SDK2: variants seen among roughly 807,000 people sequenced by gnomAD.
SDK2 encodes sidekick cell adhesion molecule 2, also known as protein sidekick-2.
In SDK2, 105 loss-of-function variants were observed where a neutral mutation model predicts 253.9. The ratio of observed to expected loss-of-function variants is 0.41; its 90% CI spans 0.35 to 0.49. The LOEUF is 0.49. Among genes scored for constraint, SDK2 ranks in the 20% least tolerant of loss-of-function variants. SDK2 has a pLI of 0.06. For missense variants in SDK2, 2,608 were observed against 3,003.0 expected (o/e 0.87, Z 3.07); for synonymous variants, 1,249 against 1,234.9 (o/e 1.01, Z -0.24).
chr17:73,478,044 C>T (rs73349725), intron 2 of SDK2, among the ~76,000 whole-genome samples: 10,958 of 152,232 alleles, frequency 0.072, 461 homozygotes, highest in African/African-American at 0.098. Context: ...CACAGCAAAA[C>T]GTCTCTCCCA....
At chr17:73,588,285 G>C (rs565193704) in intron 1 of SDK2, among the ~76,000 whole-genome samples, 13 of 151,396 alleles carry the variant, frequency 8.6e-5, no homozygotes, top group South Asian at 4.2e-4. Context: ...TACTCGGGAG[G>C]GGGAGGCAGA....
chr17:73,563,935 A>AT lies in SDK2; in HGVS notation c.65-56339dup, dbSNP rs58724334. 7.1e-3 allele frequency among the ~76,000 whole-genome samples: 1,084 copies of AT among 151,932 alleles called. 19 individuals are homozygous for AT. Among genetic ancestry groups the AT allele is most frequent in the African/African-American group, 0.025 (1,029 of 41,432 alleles). The stretch of plus-strand genomic sequence containing the variant: ...CCACCACGCTCAGCTAATTTTTTAT[A>AT]TTTTTTGTAGAGACACGGCTTTGCC... On this transcript the variant is annotated intron_variant, in intron 1 of 44. Coordinates refer to ENST00000392650, the MANE Select transcript of SDK2 (RefSeq NM_001144952.2).
At chr17:73,510,394 G>A (rs930284297) in intron 1 of SDK2, among the ~76,000 whole-genome samples, 5 of 152,148 alleles carry the variant, frequency 3.3e-5, no homozygotes, top group Non-Finnish European at 5.9e-5. Flanking sequence ...CTCACTGTGG[G>A]GACCACCAGA....
intron 3 of SDK2, among the ~76,000 whole-genome samples, chr17:73,460,750 A>G (rs761025003): frequency 1.6e-4 from 25 of 152,192 alleles, no homozygotes; most frequent in South Asian, 4.1e-4. Flanking sequence ...AAATAAATAT[A>G]TGTTTTTAGT....
chr17:73,595,033 C>T (rs1464857487), intron 1 of SDK2, among the ~76,000 whole-genome samples: 5 of 152,328 alleles, frequency 3.3e-5, no homozygotes, highest in Admixed American at 2.6e-4. Flanking sequence ...AATCAGAACG[C>T]CATCACCACG....
intron 1 of SDK2, among the ~76,000 whole-genome samples, chr17:73,547,559 C>A (rs1256516750): frequency 2.0e-5 from 3 of 152,172 alleles, no homozygotes; most frequent in Non-Finnish European, 4.4e-5. Flanking sequence ...TCAGCAAGTC[C>A]TGTGTCCCAT....
intron 1 of SDK2, among the ~76,000 whole-genome samples, chr17:73,538,091 G>A (rs911770344): frequency 6.6e-5 from 10 of 152,126 alleles, no homozygotes; most frequent in Non-Finnish European, 1.3e-4. Context: ...TCTGACTCCC[G>A]GGAACGGCGG....
At chr17:73,418,838 T>A (rs2063204164) in intron 16 of SDK2, among the ~76,000 whole-genome samples, 1 of 152,156 alleles carries the variant, frequency 6.6e-6, no homozygotes, top group Admixed American at 6.5e-5. Flanking sequence ...TGGCCTGTGA[T>A]GGAATATTCG....
At chr17:73,504,689 A>T (rs2063921249) in intron 2 of SDK2, among the ~76,000 whole-genome samples, 1 of 146,114 alleles carries the variant, frequency 6.8e-6, no homozygotes, top group Non-Finnish European at 1.5e-5. Context: ...GTTTTCTAAA[A>T]GAGAAGGAAT....
intron 1 of SDK2, among the ~76,000 whole-genome samples, chr17:73,508,334 G>A (rs563864598): frequency 2.0e-4 from 30 of 152,340 alleles, no homozygotes; most frequent in African/African-American, 7.0e-4. Flanking sequence ...CGTGAATTTC[G>A]CCCCAGACTT....
chr17:73,632,418 T>C (rs895003924), intron 1 of SDK2, among the ~76,000 whole-genome samples: 2 of 152,194 alleles, frequency 1.3e-5, no homozygotes, highest in Admixed American at 6.5e-5. Context: ...CCCTTGAACA[T>C]CGGACTCCAA....
intron 36 of SDK2, among the ~76,000 whole-genome samples, chr17:73,378,424 A>AT (rs112567635): frequency 1.0e-3 from 150 of 145,482 alleles, no homozygotes; most frequent in Middle Eastern, 3.6e-3. Flanking sequence ...TTTAATTTTA[A>AT]TTTTTTTTTT....
At chr17:73,391,294 G>A in intron 28 of SDK2, 146 bp downstream of exon 28, 1 of 416,942 alleles carries the variant, frequency 2.4e-6, no homozygotes, top group Non-Finnish European at 4.3e-6. Context: ...TCTAGCAGGA[G>A]GACTAACACC....
In SDK2 at chr17:73,562,848, C is replaced by T. The variant is rs530441522; in HGVS notation, c.65-55251G>A. Among the ~76,000 whole-genome samples the T allele has an allele frequency of 3.9e-5, 6 of 152,372 alleles. No homozygotes were observed. In the East Asian group the frequency reaches 1.2e-3, roughly 29 times the overall value. On this transcript the variant is annotated intron_variant, in intron 1 of 44. Transcript: ENST00000392650. ...GACGTGCTAACTCATTTCATCCTGG[C>T]AGCAGCCGCACGAGGCAGGTTATAC... is the stretch of plus-strand genomic sequence containing the variant.
intron 24 of SDK2, among the ~76,000 whole-genome samples, chr17:73,396,516 G>A (rs1476225895): frequency 1.3e-5 from 2 of 152,098 alleles, no homozygotes; most frequent in Non-Finnish European, 2.9e-5. Context: ...CTCACTACAC[G>A]CTTCCTCCCT....
intron 1 of SDK2, among the ~76,000 whole-genome samples, chr17:73,512,483 A>G (rs886880917): frequency 1.3e-5 from 2 of 152,072 alleles, no homozygotes; most frequent in Non-Finnish European, 2.9e-5. Context: ...AGAATTGTGG[A>G]TAGAAAGAAT....
Position 73,338,130 on chromosome 17 carries a change from T to G in SDK2, c.*457A>C. On this transcript the variant is annotated 3_prime_UTR_variant, in exon 45 of 45. Transcript: ENST00000392650. This position sits in a 1 kb window ranked among gnomAD's most constrained non-coding sequence, Gnocchi z 5.0. ...TAGGCGTGGCCTCCGGGATGCCCAT[T>G]CTTTTTGCAGAGAGCAGCGGCAGTG... 3.8e-6 allele frequency: 1 copy of G among 261,608 alleles called. No individual in the cohort carries two copies. The highest frequency in any genetic ancestry group is 7.6e-6 in the Non-Finnish European group (1 of 130,734). 16.2% of individuals were successfully genotyped at this position (261,608 alleles called of 1,614,324 possible).
At chr17:73,411,072 C>A (rs775010739) in intron 18 of SDK2, among the ~76,000 whole-genome samples, 5 of 151,108 alleles carry the variant, frequency 3.3e-5, no homozygotes, top group Non-Finnish European at 5.9e-5. Flanking sequence ...TCCTCTGCCT[C>A]CCCCCAGGGT....
chr17:73,564,963 T>C (rs976139488), intron 1 of SDK2, among the ~76,000 whole-genome samples: 9 of 152,078 alleles, frequency 5.9e-5, no homozygotes, highest in African/African-American at 1.7e-4. Flanking sequence ...GCCTGAGGCA[T>C]TGGAGAACAA....
Sources: allele counts gnomAD v4.1 joint callset (sites outside exome capture counted in the v4.1 genomes callset), GRCh38; gene constraint gnomAD v4.1.1; non-coding constraint Gnocchi (gnomAD v3.1); transcripts MANE v1.5; gene names NCBI Gene and HGNC (gene_info 2026-07-23, HGNC 2026-07-21).